Variants in SVIL observed in about 807,000 individuals in gnomAD.
The protein encoded by SVIL is archvillin.
Under a neutral mutation model 240.4 loss-of-function variants are expected in SVIL, and 101 were observed. The ratio of observed to expected loss-of-function variants is 0.42; its 90% CI spans 0.36 to 0.50. The LOEUF is 0.50. Ranked by LOEUF, SVIL falls within the 20% of genes least tolerant of loss-of-function variation. SVIL has a pLI of 0.01. For synonymous variants in SVIL, 999 were observed against 1,100.0 expected (o/e 0.91, Z 1.82); for missense variants, 2,512 against 2,818.7 (o/e 0.89, Z 2.46).
chr10:29,678,586 G>C (rs1190973122), intron 2 of SVIL, among the ~76,000 whole-genome samples: 4 of 152,210 alleles, frequency 2.6e-5, no homozygotes, highest in African/African-American at 9.6e-5. Context: ...CCCTGCTCTA[G>C]AATCTTGCTA....
chr10:29,500,263 A>G (rs1238074597), intron 17 of SVIL, among the ~76,000 whole-genome samples: 4 of 151,952 alleles, frequency 2.6e-5, no homozygotes, highest in Non-Finnish European at 5.9e-5. Flanking sequence ...TGGCCGGCAG[A>G]GTTTGCTTTT....
At chr10:29,565,928 A>T (rs1425553740) in intron 2 of SVIL, among the ~76,000 whole-genome samples, 1 of 152,182 alleles carries the variant, frequency 6.6e-6, no homozygotes, top group East Asian at 1.9e-4. Flanking sequence ...AAAATATTTT[A>T]AAAAATTAAA....
Position 29,490,933 on chromosome 10 carries a change from G to A in SVIL, c.4106C>T (p.Ala1369Val), listed in dbSNP as rs184191419. 3.1e-6 allele frequency: 5 copies of A among 1,613,886 alleles called. No homozygotes were observed. The African/African-American group carries it at 5.3e-5, about 17-fold the overall frequency. Residue 1369 changes from alanine (A) to valine (V), a missense_variant, in exon 22 of 38, where the codon GCG becomes GTG. Physicochemically the swap from Ala to Val is moderately conservative, Grantham distance 64. Transcript: ENST00000355867. The part of the protein sequence containing the change: ...QASKNPLKML[A>V]AREDLLQEYT... ...TTCCTGAAGGAGATCTTCTCTTGCC[G>A]CCAGCATTTTCAGGGGGTTTTTGGA...
In SVIL at chr10:29,658,296, A is replaced by AT. The variant is rs199988193; in HGVS notation, c.-300-229dup. 2.9e-3 allele frequency among the ~76,000 whole-genome samples: 444 copies of AT among 152,278 alleles called. 5 individuals carry two copies. In the East Asian group the frequency reaches 0.037, roughly 13 times the overall value. ...TAAAAAGTGCTCAATAAAAGAATGC[A>AT]TTTTTCCCATTCATCGTAAACTCAG... On this transcript the variant is annotated intron_variant, in intron 2 of 35. Transcript: ENST00000375400.
intron 2 of SVIL, among the ~76,000 whole-genome samples, chr10:29,667,636 G>A (rs897737538): frequency 6.6e-6 from 1 of 152,094 alleles, no homozygotes; most frequent in Non-Finnish European, 1.5e-5. Flanking sequence ...AGGATCATTT[G>A]AGATCAGGAG....
chr10:29,490,793 A>T, intron 22 of SVIL, 54 bp downstream of exon 22: 1 of 1,602,520 alleles, frequency 6.2e-7, no homozygotes, highest in Middle Eastern at 1.7e-4. Flanking sequence ...TGAGTAGAGC[A>T]TCGGAAGAAG....
chr10:29,472,310 C>T (rs1292087986), intron 30 of SVIL, among the ~76,000 whole-genome samples: 1 of 152,172 alleles, frequency 6.6e-6, no homozygotes, highest in Non-Finnish European at 1.5e-5. Context: ...AAATGCAACT[C>T]TTGCCAGTAC....
intron 1 of SVIL, among the ~76,000 whole-genome samples, chr10:29,734,665 C>T (rs971780461): frequency 4.6e-5 from 7 of 152,164 alleles, no homozygotes; most frequent in Non-Finnish European, 8.8e-5. Context: ...AGACAAGACA[C>T]GAAAACGTGA....
chr10:29,574,966 G>T (rs1044546727), intron 1 of SVIL, among the ~76,000 whole-genome samples: 1 of 152,248 alleles, frequency 6.6e-6, no homozygotes, highest in Non-Finnish European at 1.5e-5. Flanking sequence ...AGAAGTCAGT[G>T]TCCCTGGTGG....
At chr10:29,566,173 T>C (rs1954945709) in intron 2 of SVIL, among the ~76,000 whole-genome samples, 1 of 152,184 alleles carries the variant, frequency 6.6e-6, no homozygotes, top group Non-Finnish European at 1.5e-5. Context: ...TCTTTCCTTC[T>C]TTCATCTTTG....
At chr10:29,609,196 C>G (rs1322390814) in intron 1 of SVIL, among the ~76,000 whole-genome samples, 4 of 152,222 alleles carry the variant, frequency 2.6e-5, no homozygotes, top group Non-Finnish European at 5.9e-5. Flanking sequence ...AACTCAGGAC[C>G]TGCTGAATGG....
chr10:29,699,780 C>T (rs1008024744), intron 1 of SVIL, among the ~76,000 whole-genome samples: 3 of 152,200 alleles, frequency 2.0e-5, no homozygotes, highest in East Asian at 1.9e-4. Flanking sequence ...GTGTGGAAGG[C>T]CAGTTCAGGC....
intron 22 of SVIL, among the ~76,000 whole-genome samples, chr10:29,489,616 T>C (rs1947758056): frequency 6.6e-6 from 1 of 152,166 alleles, no homozygotes; most frequent in Non-Finnish European, 1.5e-5. Context: ...GGTGCAGTCA[T>C]GGCTCACTGC....
At chr10:29,673,340 G>A (rs890182676) in intron 2 of SVIL, among the ~76,000 whole-genome samples, 1 of 151,928 alleles carries the variant, frequency 6.6e-6, no homozygotes, top group Admixed American at 6.6e-5. Context: ...ATTCCAAGCT[G>A]AGTTTCACAA....
intron 17 of SVIL, among the ~76,000 whole-genome samples, chr10:29,510,549 G>A (rs1461638373): frequency 2.0e-5 from 3 of 151,612 alleles, no homozygotes; most frequent in East Asian, 1.9e-4. Context: ...CGTGAAGGGC[G>A]TGATGAGCTG....
At chr10:29,635,880 T>C (rs1378824123), upstream of SVIL, among the ~76,000 whole-genome samples, 1 of 152,130 alleles carries the variant, frequency 6.6e-6, no homozygotes, top group Non-Finnish European at 1.5e-5. Context: ...GGCCTCCCAG[T>C]GGTATGCCTC....
intron 2 of SVIL, among the ~76,000 whole-genome samples, chr10:29,674,396 A>G (rs1485652980): frequency 6.6e-6 from 1 of 152,166 alleles, no homozygotes; most frequent in African/African-American, 2.4e-5. Flanking sequence ...CATTCATTCA[A>G]AAAGGAATGA....
intron 2 of SVIL, among the ~76,000 whole-genome samples, chr10:29,667,641 C>G (rs1212181056): frequency 6.6e-6 from 1 of 151,976 alleles, no homozygotes; most frequent in African/African-American, 2.4e-5. Flanking sequence ...CATTTGAGAT[C>G]AGGAGTTCAA....
At chr10:29,621,049 C>A (rs936456276) in intron 1 of SVIL, among the ~76,000 whole-genome samples, 1 of 151,406 alleles carries the variant, frequency 6.6e-6, no homozygotes, top group Non-Finnish European at 1.5e-5. Context: ...AGCAATTCTC[C>A]CACCTTGGCC....
Sources: gnomAD v4.1 joint callset for allele counts (sites outside exome capture counted in the v4.1 genomes callset) on GRCh38, gnomAD v4.1.1 for gene constraint, MANE v1.5 for transcripts, NCBI Gene and HGNC (gene_info 2026-07-23, HGNC 2026-07-21) for gene names.